WWOX: variants seen among roughly 807,000 people sequenced by gnomAD.
The protein encoded by WWOX is WW domain containing oxidoreductase.
In WWOX, 69 loss-of-function variants were observed where a neutral mutation model predicts 46.2. That is an observed-to-expected ratio of 1.49 (90% CI 1.23 to 1.82). The LOEUF (loss-of-function observed/expected upper bound fraction) is 1.82, where lower values mean the gene tolerates loss of function less well. WWOX is among the 40% of genes most tolerant of loss of function. The probability of loss-of-function intolerance (pLI) is 0.00; values close to 1 mark genes in which losing one functional copy is unlikely to be tolerated. For synonymous variants in WWOX, 359 were observed against 202.6 expected (o/e 1.77, Z -6.56); for missense variants, 919 against 542.6 (o/e 1.69, Z -6.89).
chr16:78,321,767 G>A (rs910574723), intron 5 of WWOX, among the ~76,000 whole-genome samples: 1 of 152,178 alleles, frequency 6.6e-6, no homozygotes, highest in African/African-American at 2.4e-5. Flanking sequence ...ACACATCACA[G>A]GCCCTCCCTG....
chr16:78,249,135 G>T (rs970419392), intron 5 of WWOX, among the ~76,000 whole-genome samples: 2 of 152,094 alleles, frequency 1.3e-5, no homozygotes, highest in African/African-American at 4.8e-5. Context: ...TTACAGGCGT[G>T]AGCCACCGTG....
intron 8 of WWOX, among the ~76,000 whole-genome samples, chr16:78,437,170 TCTGTAG>T (rs2083353063): frequency 6.6e-6 from 1 of 152,222 alleles, no homozygotes; most frequent in South Asian, 2.1e-4. Flanking sequence ...TCATTTCTTC[TCTGTAG>T]CTGGCTCCCT....
chr16:78,571,337 G>C (rs978692508), intron 8 of WWOX, among the ~76,000 whole-genome samples: 2 of 152,130 alleles, frequency 1.3e-5, no homozygotes, highest in Non-Finnish European at 2.9e-5. Flanking sequence ...ATTCATCATA[G>C]ATGACTTTGT....
At chr16:78,763,335 G>T (rs142771322) in intron 8 of WWOX, among the ~76,000 whole-genome samples, 33 of 151,996 alleles carry the variant, frequency 2.2e-4, no homozygotes, top group African/African-American at 7.5e-4. Flanking sequence ...TTTCTTCTTC[G>T]ACCCTCACAT....
At chr16:78,893,194 A>G (rs529112469) in intron 8 of WWOX, among the ~76,000 whole-genome samples, 176 of 117,146 alleles carry the variant, frequency 1.5e-3, no homozygotes, top group African/African-American at 5.1e-3. Flanking sequence ...CTATAGCTAG[A>G]AAAAAAAAAA....
At chr16:78,946,480 C>T (rs569064969) in intron 8 of WWOX, among the ~76,000 whole-genome samples, 1 of 152,112 alleles carries the variant, frequency 6.6e-6, no homozygotes, top group Non-Finnish European at 1.5e-5. Flanking sequence ...TGTGAGCCAC[C>T]GTGCCTGGCC....
At chr16:78,275,581 C>G (rs2079562011) in intron 5 of WWOX, among the ~76,000 whole-genome samples, 1 of 152,174 alleles carries the variant, frequency 6.6e-6, no homozygotes, top group African/African-American at 2.4e-5. Flanking sequence ...GAAAGAATAG[C>G]ACAGACAAAA....
chr16:78,333,592 C>T (rs1423050924), intron 5 of WWOX, among the ~76,000 whole-genome samples: 1 of 152,072 alleles, frequency 6.6e-6, no homozygotes, highest in Non-Finnish European at 1.5e-5. Context: ...TGCATATATA[C>T]ATAAACAGAT....
At chr16:78,575,363 C>T (rs1228781555) in intron 8 of WWOX, among the ~76,000 whole-genome samples, 2 of 151,290 alleles carry the variant, frequency 1.3e-5, no homozygotes, top group Admixed American at 6.6e-5. Context: ...AGGATACTAG[C>T]CTGAAATAGC....
At chr16:78,934,285 C>T (rs1000300523) in intron 8 of WWOX, among the ~76,000 whole-genome samples, 3 of 146,918 alleles carry the variant, frequency 2.0e-5, no homozygotes, top group Admixed American at 1.4e-4. Flanking sequence ...TTGCAGTGAG[C>T]CGAGATCGCA....
At chr16:78,131,638 A>G (rs968557198) in intron 4 of WWOX, among the ~76,000 whole-genome samples, 15 of 150,810 alleles carry the variant, frequency 9.9e-5, no homozygotes, top group African/African-American at 3.2e-4. Flanking sequence ...ATGGAGTGCA[A>G]TGGCCCGATC....
intron 8 of WWOX, among the ~76,000 whole-genome samples, chr16:78,721,350 A>G (rs889734081): frequency 2.6e-5 from 4 of 152,122 alleles, no homozygotes; most frequent in African/African-American, 9.7e-5. Flanking sequence ...ATTTACATTT[A>G]CTGTTTAATT....
chr16:78,655,465 G>C (rs570107766), intron 8 of WWOX, among the ~76,000 whole-genome samples: 1 of 152,310 alleles, frequency 6.6e-6, no homozygotes, highest in South Asian at 2.1e-4. Context: ...AATCTCATCT[G>C]AGTGTGCAGC....
At chr16:78,636,058 G>C (rs1293295831) in intron 8 of WWOX, among the ~76,000 whole-genome samples, 1 of 152,170 alleles carries the variant, frequency 6.6e-6, no homozygotes, top group South Asian at 2.1e-4. Flanking sequence ...CACTGCCTGT[G>C]TTTTCCTAGG....
At chr16:78,984,947 G>A (rs2046755298) in intron 8 of WWOX, among the ~76,000 whole-genome samples, 1 of 152,016 alleles carries the variant, frequency 6.6e-6, no homozygotes, top group Admixed American at 6.6e-5. Context: ...GATTTCATTT[G>A]CCATGTTAAG....
intron 8 of WWOX, among the ~76,000 whole-genome samples, chr16:78,765,676 C>G (rs976048922): frequency 6.6e-6 from 1 of 151,718 alleles, no homozygotes; most frequent in Non-Finnish European, 1.5e-5. Flanking sequence ...GAGACTCTGT[C>G]TAAAAAAAAA....
At chr16:78,807,911 A>G (rs940009470) in intron 8 of WWOX, among the ~76,000 whole-genome samples, 2 of 152,232 alleles carry the variant, frequency 1.3e-5, no homozygotes, top group African/African-American at 2.4e-5. Context: ...TACCTAACAC[A>G]TTGGACAGCA....
intron 5 of WWOX, among the ~76,000 whole-genome samples, chr16:78,226,571 T>G (rs1484850072): frequency 6.8e-6 from 1 of 147,170 alleles, no homozygotes; most frequent in East Asian, 2.2e-4. Context: ...CCTTTCCTTC[T>G]TCTTCCTTTC....
intron 5 of WWOX, among the ~76,000 whole-genome samples, chr16:78,204,783 A>G (rs2036340738): frequency 6.6e-6 from 1 of 152,204 alleles, no homozygotes; most frequent in Admixed American, 6.5e-5. Flanking sequence ...GGAGGAGAGA[A>G]AAGATGAGCC....
Sources: gnomAD v4.1 joint callset for allele counts (sites outside exome capture counted in the v4.1 genomes callset) on GRCh38, gnomAD v4.1.1 for gene constraint, MANE v1.5 for transcripts, NCBI Gene and HGNC (gene_info 2026-07-23, HGNC 2026-07-21) for gene names.